The following ZNF804B variants were observed in gnomAD, a reference collection of about 807,000 sequenced individuals.
ZNF804B encodes zinc finger 804B.
In ZNF804B, 80 loss-of-function variants were observed where a neutral mutation model predicts 101.4. The ratio of observed to expected loss-of-function variants is 0.79; its 90% confidence interval spans 0.66 to 0.95. ZNF804B has a LOEUF of 0.95. ZNF804B is among the 40% of genes least tolerant of loss of function. ZNF804B has a pLI of 0.00. For missense variants in ZNF804B, 1,673 were observed against 1,561.9 expected (o/e 1.07, Z -1.20); for synonymous variants, 622 against 558.8 (o/e 1.11, Z -1.59).
chr7:89,229,841 A>G (rs957815342), intron 2 of ZNF804B, among the ~76,000 whole-genome samples: 9 of 152,208 alleles, frequency 5.9e-5, no homozygotes, highest in Non-Finnish European at 7.4e-5. Flanking sequence ...AAGTTTTTAA[A>G]TAAAAAATCA....
intron 1 of ZNF804B, among the ~76,000 whole-genome samples, chr7:88,900,796 A>G (rs1322482332): frequency 6.6e-6 from 1 of 151,624 alleles, no homozygotes; most frequent in Non-Finnish European, 1.5e-5. Context: ...TAATGGAAAT[A>G]AATTACAATG....
chr7:89,191,903 A>G (rs1451636002), intron 1 of ZNF804B, among the ~76,000 whole-genome samples: 1 of 152,106 alleles, frequency 6.6e-6, no homozygotes, highest in Non-Finnish European at 1.5e-5. Flanking sequence ...ATGTTAAATT[A>G]TACTTTGCTT....
At chr7:89,303,776 A>G (rs879628822) in intron 2 of ZNF804B, among the ~76,000 whole-genome samples, 1 of 151,950 alleles carries the variant, frequency 6.6e-6, no homozygotes, top group East Asian at 1.9e-4. Context: ...CCTGGCTTCA[A>G]TAAGAATTAG....
chr7:89,025,474 T>C (rs1163598334), intron 1 of ZNF804B, among the ~76,000 whole-genome samples: 2 of 152,256 alleles, frequency 1.3e-5, no homozygotes, highest in African/African-American at 4.8e-5. Flanking sequence ...GTTTAATGTT[T>C]CAAAAGCAAT....
At chr7:88,971,352 A>C (rs913603694) in intron 1 of ZNF804B, among the ~76,000 whole-genome samples, 20 of 151,816 alleles carry the variant, frequency 1.3e-4, no homozygotes, top group African/African-American at 4.8e-4. Flanking sequence ...GGCAATAAGA[A>C]GACAAAACTC....
intron 1 of ZNF804B, among the ~76,000 whole-genome samples, chr7:88,925,373 A>G (rs1792780956): frequency 6.6e-6 from 1 of 152,186 alleles, no homozygotes; most frequent in African/African-American, 2.4e-5. Context: ...AAAAGTAACC[A>G]TTTTGAAGAT....
At chr7:88,975,600 T>C (rs1315202727) in intron 1 of ZNF804B, among the ~76,000 whole-genome samples, 2 of 151,550 alleles carry the variant, frequency 1.3e-5, no homozygotes, top group Non-Finnish European at 3.0e-5. Flanking sequence ...TTCAGATCAT[T>C]GCCCATTCTT....
rs377509936 is a variant in ZNF804B, at chr7:88,943,555, G to A, written c.108+183471G>A. 3.8e-4 allele frequency among the ~76,000 whole-genome samples: 57 copies of A among 151,966 alleles called. 1 individual carries two copies. In the East Asian group the frequency reaches 9.1e-3, roughly 24 times the overall value. On this transcript the variant is annotated intron_variant, in intron 1 of 3. Transcript: ENST00000333190. Reference sequence around the variant, plus strand: ...CTGGAGTCTTCACTTTTGTAGAGAAGCAAAAGTATAGCCTTTGTTTTCTTG... The same window carrying A: ...CTGGAGTCTTCACTTTTGTAGAGAAACAAAAGTATAGCCTTTGTTTTCTTG...
intron 2 of ZNF804B, among the ~76,000 whole-genome samples, chr7:89,286,019 A>C (rs968860035): frequency 3.3e-5 from 5 of 152,170 alleles, no homozygotes; most frequent in African/African-American, 1.2e-4. Flanking sequence ...GGATTGGTTC[A>C]ATCAGTGTTT....
chr7:88,894,843 G>C (rs1427832335), intron 1 of ZNF804B, among the ~76,000 whole-genome samples: 1 of 152,062 alleles, frequency 6.6e-6, no homozygotes, highest in Non-Finnish European at 1.5e-5. Flanking sequence ...GGTTTGGGGA[G>C]GGGGGTGGTT....
At position 88,954,560 on chromosome 7, in the gene ZNF804B, C is replaced by CCCG. The variant is rs199858118; in HGVS notation, c.108+194478_108+194479insGCC. On this transcript the variant is annotated intron_variant, in intron 1 of 3. Coordinates refer to ENST00000333190, the MANE Select transcript of ZNF804B (RefSeq NM_181646.5). ...AGAAACTCTTTCTAAAACATGCCCC[C>CCCG]CCCCCACCACGGGTGGCATGAGCAG... is the stretch of plus-strand genomic sequence containing the variant. 2.5e-3 allele frequency among the ~76,000 whole-genome samples: 375 copies of CCCG among 151,204 alleles called. 1 individual carries two copies. The highest frequency in any genetic ancestry group is 8.7e-3 in the African/African-American group (360 of 41,334).
chr7:89,078,655 T>G (rs79093439), intron 1 of ZNF804B, among the ~76,000 whole-genome samples: 10 of 151,138 alleles, frequency 6.6e-5, no homozygotes, highest in Non-Finnish European at 1.3e-4. Context: ...TTTTTTTTTT[T>G]GCAGTTTGTT....
intron 1 of ZNF804B, among the ~76,000 whole-genome samples, chr7:89,131,903 A>G (rs1185945250): frequency 2.0e-5 from 3 of 152,008 alleles, no homozygotes; most frequent in Non-Finnish European, 2.9e-5. Context: ...CTAAGACCCC[A>G]TTAAAACCTA....
chr7:89,165,480 A>G (rs1310466377), intron 1 of ZNF804B, among the ~76,000 whole-genome samples: 2 of 152,126 alleles, frequency 1.3e-5, no homozygotes, highest in East Asian at 1.9e-4. Context: ...AGAACAAATG[A>G]GAAAGCTTTT....
chr7:88,798,786 T>C (rs1427441846), intron 1 of ZNF804B, among the ~76,000 whole-genome samples: 1 of 152,116 alleles, frequency 6.6e-6, no homozygotes, highest in Non-Finnish European at 1.5e-5. Flanking sequence ...CTCTGCTCAA[T>C]GGACATTCAG....
rs544408205 is a variant in ZNF804B, at chr7:89,276,054, A to G, written c.250-51290A>G. Among the ~76,000 whole-genome samples, 63 of 152,026 alleles carry G rather than the reference A, an allele frequency of 4.1e-4. 4 individuals are homozygous for G. The highest frequency in any genetic ancestry group is 1.5e-3 in the African/African-American group (63 of 41,304). On this transcript the variant is annotated intron_variant, in intron 2 of 3. Coordinates refer to ENST00000333190, the MANE Select transcript of ZNF804B (RefSeq NM_181646.5). The stretch of plus-strand genomic sequence containing the variant: ...GGATCTGGAAGCCATTATCCTTAGC[A>G]AACTAACACAGGAACAGAAAACCAA...
chr7:88,911,505 T>C (rs1024655515), intron 1 of ZNF804B, among the ~76,000 whole-genome samples: 2 of 149,550 alleles, frequency 1.3e-5, no homozygotes, highest in Admixed American at 6.7e-5. Context: ...ACATTATTTT[T>C]ATATAATTTA....
In ZNF804B at chr7:89,333,596, A is replaced by T. The variant is rs755291781; in HGVS notation, c.614A>T (p.Gln205Leu). 2 of 1,613,690 alleles carry T rather than the reference A, an allele frequency of 1.2e-6. No individual in the cohort carries two copies. The highest frequency in any genetic ancestry group is 2.2e-5 in the South Asian group (2 of 91,082). The change falls in exon 4 of 4, where the codon CAA becomes CTA. Residue 205 changes from glutamine to leucine, a missense_variant. Physicochemically the swap from Gln to Leu is moderately radical, Grantham distance 113. Transcript: ENST00000333190. ...TGTTTGTTTGGAAATCAGGTACTGC[A>T]AACATCTTCAGATCTCAGCAATGCA... is the stretch of plus-strand genomic sequence containing the variant. ...RRCLFGNQVLQTSSDLSNANH... is the reference protein window; with the variant it reads ...RRCLFGNQVLLTSSDLSNANH...
chr7:89,026,645 A>G (rs563469130), intron 1 of ZNF804B, among the ~76,000 whole-genome samples: 34 of 152,242 alleles, frequency 2.2e-4, no homozygotes, highest in African/African-American at 6.5e-4. Flanking sequence ...ATAGAACCTA[A>G]CGACTGAAAT....
Sources: allele counts gnomAD v4.1 joint callset (sites outside exome capture counted in the v4.1 genomes callset), GRCh38; gene constraint gnomAD v4.1.1; transcripts MANE v1.5; gene names NCBI Gene and HGNC (gene_info 2026-07-23, HGNC 2026-07-21).